HJURP: variants seen among roughly 807,000 people sequenced by gnomAD.
HJURP encodes Holliday junction recognition protein.
In HJURP, 49 loss-of-function variants were observed where a neutral mutation model predicts 72.0. That is an observed-to-expected ratio of 0.68 (90% CI 0.54 to 0.86). The LOEUF is 0.86. Among genes scored for constraint, HJURP ranks in the 40% least tolerant of loss-of-function variants. The probability of loss-of-function intolerance (pLI) is 0.00; values close to 1 mark genes in which losing one functional copy is unlikely to be tolerated. For synonymous variants in HJURP, 357 were observed against 347.1 expected (o/e 1.03, Z -0.32); for missense variants, 908 against 936.3 (o/e 0.97, Z 0.39).
chr2:233,852,028 G>A (rs906196707), intron 3 of HJURP, among the ~76,000 whole-genome samples: 1 of 152,166 alleles, frequency 6.6e-6, no homozygotes, highest in African/African-American at 2.4e-5. Context: ...CTAAAATAAC[G>A]GGTCTCAGAG....
Position 233,843,736 on chromosome 2 carries a change from G to T in HJURP, c.574+469C>A, listed in dbSNP as rs191711648. 9.9e-5 allele frequency among the ~76,000 whole-genome samples: 15 copies of T among 152,262 alleles called. 1 individual carries two copies. The highest frequency in any genetic ancestry group is 6.8e-3 in the Middle Eastern group (2 of 294). On this transcript the variant is annotated intron_variant, in intron 7 of 8. Transcript: ENST00000411486. ...CTGGCACAATGGGTAGAACAGTACC[G>T]CATCAATGTTCAATTTCTGGCCTGT...
rs796533020 is a variant in HJURP at position 233,846,030 on chromosome 2, C to CA, written c.403-211dup. 8.2e-6 allele frequency: 4 copies of CA among 488,506 alleles called. No individual in the cohort carries two copies. Among genetic ancestry groups the CA allele is most frequent in the African/African-American group, 1.9e-5 (1 of 51,768 alleles). 30.3% of individuals were successfully genotyped at this position (488,506 alleles called of 1,614,324 possible). ...AAGAATGTAAAAAGACACACACACA[C>CA]AAAAAAACCATGTCTAGAGAAGTTT... On this transcript the variant is annotated intron_variant, in intron 5 of 8. Transcript: ENST00000411486. The surrounding 1 kb of genome is among the most constrained non-coding windows in gnomAD (Gnocchi z 4.3).
chr2:233,840,783 C>T lies in HJURP; in HGVS notation c.1997G>A (p.Arg666His), dbSNP rs770730360. 2.4e-5 allele frequency: 38 copies of T among 1,613,360 alleles called. No individual in the cohort carries two copies. The highest frequency in any genetic ancestry group is 5.0e-5 in the Admixed American group (3 of 59,808). The change falls in exon 8 of 9, where the codon CGT (arginine) becomes CAT (histidine). Residue 666 changes from arginine to histidine, a missense_variant. Coordinates refer to ENST00000411486, the MANE Select transcript of HJURP (RefSeq NM_018410.5). The part of the protein sequence containing the change: ...IEAPSSTCVA[R>H]AITRDGTRDH... ...CCTCGTGCCATCCCTCGTGATGGCA[C>T]GAGCAACACATGTAGATGAAGGAGC...
In HJURP at chr2:233,841,414, T is replaced by C; in HGVS notation, c.1366A>G (p.Met456Val). 1.2e-6 allele frequency: 2 copies of C among 1,614,182 alleles called. No individual in the cohort carries two copies. Among genetic ancestry groups the C allele is most frequent in the Non-Finnish European group, 1.7e-6 (2 of 1,180,036 alleles). ...CLSPRNQPRR[M>V]CLPDSWAMNM... ...ATGGCCCAGGAGTCCGGGAGGCACA[T>C]CCGGCGAGGCTGGTTCCTGGGACTC... Residue 456 changes from methionine to valine, a missense_variant, in exon 8 of 9, where the codon ATG becomes GTG. Transcript: ENST00000411486.
At position 233,837,335 on chromosome 2, in the gene HJURP, A is replaced by AC. The variant is rs1705101271; in HGVS notation, c.*241_*242insG. ...AAACAAATAACCCCCCCCCAAAAAA[A>AC]ACACACACATCAGAAAAACAGGCCT... On this transcript the variant is annotated 3_prime_UTR_variant, in exon 9 of 9. Transcript: ENST00000411486. 1 of 326,904 alleles carries AC rather than the reference A, an allele frequency of 3.1e-6. No homozygotes were observed. Among genetic ancestry groups the AC allele is most frequent in the Non-Finnish European group, 5.7e-6 (1 of 176,614 alleles). 20.3% of individuals were successfully genotyped at this position (326,904 alleles called of 1,614,324 possible).
chr2:233,844,408 A>ATG (rs1241281433), intron 6 of HJURP, 125 bp from the exon 7 acceptor site: 2 of 727,812 alleles, frequency 2.7e-6, no homozygotes, highest in African/African-American at 3.5e-5. Context: ...AAGCGTGTGA[A>ATG]TGTGGTGACA....
In HJURP at chr2:233,841,650, C is replaced by T. The variant is rs746975195; in HGVS notation, c.1130G>A (p.Arg377His). 1.2e-5 allele frequency: 19 copies of T among 1,614,018 alleles called. No homozygotes were observed. Among genetic ancestry groups the T allele is most frequent in the Admixed American group, 6.7e-5 (4 of 60,000 alleles). The change falls in exon 8 of 9, where the codon CGC becomes CAC. Residue 377 changes from arginine to histidine, a missense_variant. This residue lies in a region of HJURP where 598 missense variants were observed against 619.5 expected (regional missense o/e 0.97). Coordinates refer to ENST00000411486, the MANE Select transcript of HJURP (RefSeq NM_018410.5). The part of the protein sequence containing the change: ...IHKLDPSWKE[R>H]KVTPSKYSSL... ...AGAATACTTCGAGGGTGTCACTTTG[C>T]GCTCCTTCCAACTTGGATCTAACTT... is the stretch of plus-strand genomic sequence containing the variant.
At position 233,845,724 on chromosome 2, in the gene HJURP, T is replaced by C; in HGVS notation, c.495+4A>G. 2 of 1,560,010 alleles carry C rather than the reference T, an allele frequency of 1.3e-6. No homozygotes were observed. The highest frequency in any genetic ancestry group is 1.8e-6 in the Non-Finnish European group (2 of 1,134,674). Reference sequence around the variant, plus strand: ...TAAAAACAAACAACTGGGAAACAGATTACCTCAAAATACTCTGCACCTTGT... The same window carrying C: ...TAAAAACAAACAACTGGGAAACAGACTACCTCAAAATACTCTGCACCTTGT... On this transcript the variant is annotated splice_donor_region_variant and intron_variant, in intron 6 of 8. Coordinates refer to ENST00000411486, the MANE Select transcript of HJURP (RefSeq NM_018410.5).
At chr2:233,853,737 ATTAG>A (rs1705549811) in intron 2 of HJURP, 103 bp downstream of exon 2, 5 of 883,136 alleles carry the variant, frequency 5.7e-6, no homozygotes, top group Non-Finnish European at 5.3e-6. Context: ...TTTGGTTCCT[ATTAG>A]TTAGGTGAAC....
Position 233,841,170 on chromosome 2 carries a change from T to C in HJURP, c.1610A>G (p.Gln537Arg). Residue 537 changes from glutamine (Q) to arginine (R), a missense_variant, in exon 8 of 9, where the codon CAG (glutamine) becomes CGG (arginine). Gln to Arg is a conservative substitution (Grantham distance 43, BLOSUM62 1). Transcript: ENST00000411486. Reference sequence around the variant, plus strand: ...CTGAACGTGAAGGTCAGATGTCTGCTGCGGGCGAGTTGCGCTGTGTGTGGG... The same window carrying C: ...CTGAACGTGAAGGTCAGATGTCTGCCGCGGGCGAGTTGCGCTGTGTGTGGG... ...TNPTHSATRP[Q>R]QTSDLHVQGN... The C allele has an allele frequency of 1.2e-6, 2 of 1,614,230 alleles. No homozygotes were observed. Among genetic ancestry groups the C allele is most frequent in the Non-Finnish European group, 1.7e-6 (2 of 1,180,042 alleles).
Position 233,848,202 on chromosome 2 carries a change from T to C in HJURP, c.338-741A>G, listed in dbSNP as rs1053374975. Among the ~76,000 whole-genome samples the C allele has an allele frequency of 2.6e-5, 4 of 152,186 alleles. No homozygotes were observed. In the East Asian group the frequency reaches 7.8e-4, roughly 30 times the overall value. On this transcript the variant is annotated intron_variant, in intron 4 of 8. Coordinates refer to ENST00000411486, the MANE Select transcript of HJURP (RefSeq NM_018410.5). ...GGGGACAGAGGCTGCGGAAGGCCAG[T>C]GTCCAGGAGAGACAGGTGTTTAAAG...
rs1325165285 is a variant in HJURP at position 233,852,616 on chromosome 2, C to G, written c.189G>C (p.Leu63Phe). 1 of 1,602,452 alleles carries G rather than the reference C, an allele frequency of 6.2e-7. No individual in the cohort carries two copies. The highest frequency in any genetic ancestry group is 1.7e-5 in the Admixed American group (1 of 59,990). ...ATLTYETPQG[L>F]RIWGGRLIKE... ...TTATTAGTCTTCCACCCCAAATTCT[C>G]AATCCTGAAGAAAAGAAACAAAAAT... The change falls in exon 3 of 9, where the codon TTG (leucine) becomes TTC (phenylalanine). Residue 63 changes from leucine to phenylalanine, a missense_variant. Leu to Phe is a conservative substitution (Grantham distance 22). Coordinates refer to ENST00000411486, the MANE Select transcript of HJURP (RefSeq NM_018410.5).
In HJURP at chr2:233,840,857, T is replaced by C. The variant is rs747270420; in HGVS notation, c.1923A>G (p.Ser641=). The C allele has an allele frequency of 1.9e-6, 3 of 1,614,140 alleles. No homozygotes were observed. Among genetic ancestry groups the C allele is most frequent in the South Asian group, 2.2e-5 (2 of 91,082 alleles). The part of the protein sequence containing the change: ...PHFQGFQKLP[S]SPLGCRKSLL... ...GACTTTTTCTGCACCCCAGGGGTGA[T>C]GATGGCAACTTCTGGAAACCCTGGA... Residue 641 remains serine (S), a synonymous_variant, in exon 8 of 9, where the codon TCA becomes TCG. Coordinates refer to ENST00000411486, the MANE Select transcript of HJURP (RefSeq NM_018410.5).
At chr2:233,838,032 G>A (rs1445545118) in intron 8 of HJURP, among the ~76,000 whole-genome samples, 1 of 152,208 alleles carries the variant, frequency 6.6e-6, no homozygotes, top group African/African-American at 2.4e-5. Context: ...TTCTGGTGGG[G>A]ATGAAAGAAG....
At chr2:233,853,019 G>A (rs1371620361) in intron 2 of HJURP, among the ~76,000 whole-genome samples, 2 of 152,134 alleles carry the variant, frequency 1.3e-5, no homozygotes, top group Non-Finnish European at 2.9e-5. Flanking sequence ...CAATCTACAT[G>A]TTATACAGAG....
At chr2:233,842,798 A>G (rs187193958) in intron 7 of HJURP, among the ~76,000 whole-genome samples, 254 of 152,372 alleles carry the variant, frequency 1.7e-3, no homozygotes, top group African/African-American at 4.9e-3. Flanking sequence ...GAGTGGTAGC[A>G]GGTGCTGCAA....
rs759203010 is a variant in HJURP, at chr2:233,841,667, A to T, written c.1113T>A (p.Asp371Glu). Residue 371 changes from aspartate to glutamate, a missense_variant, in exon 8 of 9, where the codon GAT (aspartate) becomes GAA (glutamate). This residue lies in a region of HJURP where 598 missense variants were observed against 619.5 expected (regional missense o/e 0.97). Coordinates refer to ENST00000411486, the MANE Select transcript of HJURP (RefSeq NM_018410.5). ...TCACTTTGCGCTCCTTCCAACTTGG[A>T]TCTAACTTATGGATTTGGGGTCTGT... is the stretch of plus-strand genomic sequence containing the variant. ...EVNRPQIHKL[D>E]PSWKERKVTP... is the part of the protein sequence containing the mutation. 4 of 1,614,026 alleles carry T rather than the reference A, an allele frequency of 2.5e-6. No homozygotes were observed. Among genetic ancestry groups the T allele is most frequent in the Middle Eastern group, 3.3e-4 (2 of 6,084 alleles).
chr2:233,844,777 G>A (rs1705314912), intron 6 of HJURP, among the ~76,000 whole-genome samples: 1 of 149,898 alleles, frequency 6.7e-6, no homozygotes, highest in African/African-American at 2.4e-5. Flanking sequence ...CTTTCCGCTG[G>A]TCAGCAGCAC....
chr2:233,853,634 C>T (rs965676323), intron 2 of HJURP, among the ~76,000 whole-genome samples: 5 of 152,212 alleles, frequency 3.3e-5, no homozygotes, highest in African/African-American at 1.2e-4. Flanking sequence ...ACCCGGTAAG[C>T]CGGAGGCATG....
Sources: gnomAD v4.1 joint callset for allele counts (sites outside exome capture counted in the v4.1 genomes callset) on GRCh38, gnomAD v4.1.1 for gene constraint, gnomAD v4.1.1 regional missense constraint, Gnocchi (gnomAD v3.1) non-coding constraint, MANE v1.5 for transcripts, NCBI Gene and HGNC (gene_info 2026-07-23, HGNC 2026-07-21) for gene names.